CENPP: variants seen among roughly 807,000 people sequenced by gnomAD.
CENPP encodes centromere protein P.
Under a neutral mutation model 35.6 loss-of-function variants are expected in CENPP, and 24 were observed. The ratio of observed to expected loss-of-function variants is 0.67; its 90% CI spans 0.49 to 0.95. The LOEUF (loss-of-function observed/expected upper bound fraction) is 0.95, where lower values mean the gene tolerates loss of function less well. Ranked by LOEUF, CENPP falls within the 40% of genes least tolerant of loss-of-function variation. CENPP has a pLI of 0.00. For missense variants in CENPP, 332 were observed against 345.3 expected (o/e 0.96, Z 0.31); for synonymous variants, 120 against 125.5 (o/e 0.96, Z 0.29).
chr9:92,528,572 C>A (rs1441162379), intron 5 of CENPP, among the ~76,000 whole-genome samples: 1 of 152,124 alleles, frequency 6.6e-6, no homozygotes. Flanking sequence ...ACAAAAAAAA[C>A]AGGTCTCTGG....
rs79102495 is a variant in CENPP, at chr9:92,364,296, G to T, written c.468-15467G>T. Reference sequence around the variant, plus strand: ...AGTCATCCTGCCTTGGCCTCCCAAAGTGCTGGGATTACAGATGTGAGCCAC... The same window carrying T: ...AGTCATCCTGCCTTGGCCTCCCAAATTGCTGGGATTACAGATGTGAGCCAC... On this transcript the variant is annotated intron_variant, in intron 4 of 7. Transcript: ENST00000375587. Among the ~76,000 whole-genome samples the T allele has an allele frequency of 4.8e-3, 738 of 152,218 alleles. 5 individuals carry two copies. Among genetic ancestry groups the T allele is most frequent in the African/African-American group, 0.015 (643 of 41,534 alleles).
At chr9:92,345,389 G>A (rs116916786) in intron 3 of CENPP, among the ~76,000 whole-genome samples, 3,969 of 151,352 alleles carry the variant, frequency 0.026, 63 homozygotes, top group Non-Finnish European at 0.042. Flanking sequence ...GCTTTGGGGA[G>A]AATGAGGCAG....
chr9:92,610,810 T>C, intron 5 of CENPP: 1 of 174,304 alleles, frequency 5.7e-6, no homozygotes, highest in Non-Finnish European at 1.2e-5. Context: ...GGGTGAGTCC[T>C]GAGGACGGAC....
intron 4 of CENPP, among the ~76,000 whole-genome samples, chr9:92,349,407 T>A (rs1220717464): frequency 1.3e-5 from 2 of 151,486 alleles, no homozygotes; most frequent in African/African-American, 4.8e-5. Flanking sequence ...ACTTTTTTTT[T>A]TATTTTTTTT....
chr9:92,585,439 G>A (rs1350480818), intron 5 of CENPP, among the ~76,000 whole-genome samples: 1 of 152,142 alleles, frequency 6.6e-6, no homozygotes, highest in African/African-American at 2.4e-5. Flanking sequence ...GTTAGAATTT[G>A]TTTGTCTGTA....
chr9:92,406,815 C>G (rs193097073), intron 5 of CENPP, among the ~76,000 whole-genome samples: 4 of 152,138 alleles, frequency 2.6e-5, no homozygotes, highest in Non-Finnish European at 5.9e-5. Flanking sequence ...AAGGGCAGCT[C>G]ACAACATTGC....
At chr9:92,526,547 C>T (rs1848421081) in intron 5 of CENPP, among the ~76,000 whole-genome samples, 1 of 150,384 alleles carries the variant, frequency 6.6e-6, no homozygotes, top group African/African-American at 2.4e-5. Flanking sequence ...CAAACCAAAC[C>T]CAAAATTAGT....
At chr9:92,468,057 C>A (rs185046151) in intron 5 of CENPP, among the ~76,000 whole-genome samples, 6 of 152,084 alleles carry the variant, frequency 3.9e-5, no homozygotes. Context: ...TGAGGAAATG[C>A]GTAAAGTGAA....
At chr9:92,433,773 AC>A (rs1278148483) in intron 5 of CENPP, among the ~76,000 whole-genome samples, 1 of 152,062 alleles carries the variant, frequency 6.6e-6, no homozygotes, top group Non-Finnish European at 1.5e-5. Context: ...CTCTACTAGA[AC>A]TACAAAAAGT....
rs1485756248 is a variant in CENPP at position 92,606,643 on chromosome 9, C to T, written c.565-4671C>T. 5.5e-4 allele frequency among the ~76,000 whole-genome samples: 83 copies of T among 152,222 alleles called. 2 individuals are homozygous for T. Among genetic ancestry groups the T allele is most frequent in the Admixed American group, 5.4e-3 (82 of 15,282 alleles). ...AAAAAGGGCAAGGCACAGTGGCTCA[C>T]GCCTGTAATCCCAACACTTTGGGAG... On this transcript the variant is annotated intron_variant, in intron 5 of 7. Transcript: ENST00000375587.
At position 92,325,984 on chromosome 9, in the gene CENPP, G is replaced by A. The variant is rs531568119; in HGVS notation, c.-15G>A. On this transcript the variant is annotated 5_prime_UTR_variant, in exon 1 of 8. Transcript: ENST00000375587. ...ACAGCTGCGCTGCCGGCCCGGCTGC[G>A]GTCAGCAACGCGCCATGGACGCAGA... is the stretch of plus-strand genomic sequence containing the variant. The A allele has an allele frequency of 8.7e-5, 134 of 1,546,672 alleles. No individual in the cohort carries two copies. Among genetic ancestry groups the A allele is most frequent in the Non-Finnish European group, 1.1e-4 (121 of 1,144,028 alleles).
intron 5 of CENPP, among the ~76,000 whole-genome samples, chr9:92,424,640 T>C (rs1843911530): frequency 6.6e-6 from 1 of 152,208 alleles, no homozygotes; most frequent in Non-Finnish European, 1.5e-5. Flanking sequence ...GACAGGGAAC[T>C]CCAGAGTCTC....
chr9:92,589,268 C>T (rs1353265324), intron 5 of CENPP, among the ~76,000 whole-genome samples: 1 of 151,944 alleles, frequency 6.6e-6, no homozygotes, highest in Admixed American at 6.6e-5. Context: ...ATTGCTTGAA[C>T]CCCAGAGGCG....
chr9:92,372,093 A>C (rs1588068249), intron 4 of CENPP, among the ~76,000 whole-genome samples: 2 of 114,328 alleles, frequency 1.7e-5, no homozygotes, highest in Non-Finnish European at 1.7e-5. Context: ...CCACCATGCC[A>C]GCCATCTTTT....
chr9:92,472,665 T>TAAC (rs1845569909), intron 5 of CENPP, among the ~76,000 whole-genome samples: 1 of 151,862 alleles, frequency 6.6e-6, no homozygotes, highest in Admixed American at 6.6e-5. Flanking sequence ...CTCAAAAAAA[T>TAAC]AATAATAATA....
In CENPP at chr9:92,392,057, A is replaced by G. The variant is rs189513483; in HGVS notation, c.564+12198A>G. On this transcript the variant is annotated intron_variant, in intron 5 of 7. Transcript: ENST00000375587. ...ACTCTTGACAATATTAGGAGTCTAG[A>G]AAACTGACAAGAAATTAGTGATCTA... is the stretch of plus-strand genomic sequence containing the variant. Among the ~76,000 whole-genome samples, 334 of 152,192 alleles carry G rather than the reference A, an allele frequency of 2.2e-3. 5 individuals carry two copies. The highest frequency in any genetic ancestry group is 0.01 in the Admixed American group (153 of 15,288).
intron 5 of CENPP, among the ~76,000 whole-genome samples, chr9:92,538,558 G>A (rs79791145): frequency 4.6e-5 from 7 of 152,166 alleles, no homozygotes; most frequent in East Asian, 1.9e-4. Flanking sequence ...TAATTACCAC[G>A]ATGAGATTGA....
intron 5 of CENPP, among the ~76,000 whole-genome samples, chr9:92,438,842 G>A (rs911180145): frequency 2.6e-5 from 4 of 152,156 alleles, no homozygotes; most frequent in African/African-American, 9.7e-5. Context: ...AATCCCAGCT[G>A]CTTGGGAGGC....
chr9:92,425,836 TA>T (rs1286912483), intron 5 of CENPP, among the ~76,000 whole-genome samples: 1 of 152,216 alleles, frequency 6.6e-6, no homozygotes, highest in African/African-American at 2.4e-5. Context: ...TCTTTGTTCT[TA>T]AAACTCAGGC....
Sources: gnomAD v4.1 joint callset for allele counts (sites outside exome capture counted in the v4.1 genomes callset) on GRCh38, gnomAD v4.1.1 for gene constraint, MANE v1.5 for transcripts, NCBI Gene and HGNC (gene_info 2026-07-23, HGNC 2026-07-21) for gene names.